Variants in ASB15 observed in about 807,000 individuals in gnomAD.
ASB15 encodes ankyrin repeat and SOCS box containing 15, also known as ankyrin repeat and SOCS box protein 15.
In ASB15, 54 loss-of-function variants were observed where a neutral mutation model predicts 58.0. The ratio of observed to expected loss-of-function variants is 0.93; its 90% CI spans 0.75 to 1.17. ASB15 has a LOEUF of 1.17. ASB15 is among the 50% of genes most tolerant of loss of function. ASB15 has a pLI of 0.00. For synonymous variants in ASB15, 249 were observed against 262.4 expected (o/e 0.95, Z 0.50); for missense variants, 680 against 707.4 (o/e 0.96, Z 0.44).
chr7:123,607,353 A>C (rs924778486), intron 2 of ASB15, among the ~76,000 whole-genome samples: 14 of 152,340 alleles, frequency 9.2e-5, no homozygotes, highest in African/African-American at 3.4e-4. Flanking sequence ...TTATGTGTAC[A>C]ATAATGTCTT....
At chr7:123,599,095 C>T (rs1799792205), upstream of ASB15, among the ~76,000 whole-genome samples, 1 of 151,788 alleles carries the variant, frequency 6.6e-6, no homozygotes, top group South Asian at 2.1e-4. Context: ...ATCACTGACC[C>T]CAAGGCCAAA....
At chr7:123,571,863 C>T (rs763857998) in intron 1 of ASB15, among the ~76,000 whole-genome samples, 18 of 152,184 alleles carry the variant, frequency 1.2e-4, no homozygotes, top group Admixed American at 3.3e-4. Context: ...CTCCTGGGCC[C>T]GAGTGATCCT....
chr7:123,600,732 G>A (rs1000706543), upstream of ASB15, among the ~76,000 whole-genome samples: 1 of 152,116 alleles, frequency 6.6e-6, no homozygotes, highest in Non-Finnish European at 1.5e-5. Flanking sequence ...TTTTATCACA[G>A]TTAAAGAGGA....
At chr7:123,570,029 C>CTTTTT (rs5887142) in intron 1 of ASB15, among the ~76,000 whole-genome samples, 5 of 88,196 alleles carry the variant, frequency 5.7e-5, no homozygotes, top group Middle Eastern at 7.6e-3. Flanking sequence ...ACTGCCATAG[C>CTTTTT]TTTTTTTTTT....
chr7:123,636,456 A>G (rs1802431755), intron 11 of ASB15, among the ~76,000 whole-genome samples: 1 of 152,180 alleles, frequency 6.6e-6, no homozygotes, highest in Non-Finnish European at 1.5e-5. Flanking sequence ...AAAGAAATAT[A>G]TAATATTTAG....
At chr7:123,571,740 T>A (rs957381765) in intron 1 of ASB15, among the ~76,000 whole-genome samples, 2 of 152,178 alleles carry the variant, frequency 1.3e-5, no homozygotes, top group Non-Finnish European at 2.9e-5. Flanking sequence ...TTAAACAAAA[T>A]TTTTAAGAAG....
chr7:123,620,515 T>C lies in ASB15; in HGVS notation c.451+2778T>C, dbSNP rs1584793516. 2.5e-3 allele frequency among the ~76,000 whole-genome samples: 19 copies of C among 7,628 alleles called. 1 individual carries two copies. The highest frequency in any genetic ancestry group is 4.0e-3 in the Non-Finnish European group (14 of 3,534). The allele number at this position is 7,628 out of a possible 152,430, so 5.0% of individuals were successfully genotyped here. A position where few individuals can be genotyped will look rare whatever the true frequency, so the allele number is the denominator to read the frequency against. Reference sequence around the variant, plus strand: ...TGTGACACATATACATACATATATATATATATATATATATATATATATATA... The same window carrying C: ...TGTGACACATATACATACATATATACATATATATATATATATATATATATA... On this transcript the variant is annotated intron_variant, in intron 7 of 11. Coordinates refer to ENST00000451215, the MANE Select transcript of ASB15 (RefSeq NM_001290258.2).
intron 7 of ASB15, among the ~76,000 whole-genome samples, chr7:123,619,563 G>A (rs1801093080): frequency 6.6e-6 from 1 of 151,952 alleles, no homozygotes. Flanking sequence ...TCGCTCTGTT[G>A]CCCAGGCTGG....
intron 1 of ASB15, among the ~76,000 whole-genome samples, chr7:123,586,116 A>G (rs954276644): frequency 3.3e-5 from 5 of 151,866 alleles, no homozygotes; most frequent in Non-Finnish European, 5.9e-5. Context: ...GCTAGATCAT[A>G]TAATAGATTT....
In ASB15 at chr7:123,614,536, C is replaced by A; in HGVS notation, c.34C>A (p.Leu12Ile). 6.2e-7 allele frequency: 1 copy of A among 1,609,786 alleles called. No homozygotes were observed. Among genetic ancestry groups the A allele is most frequent in the Non-Finnish European group, 8.5e-7 (1 of 1,176,414 alleles). ...TAATGATGACCCTGATGAAGACCAT[C>A]TTACAAGTTATGATATTCAGCTAAG... ...DTNDDPDEDH[L>I]TSYDIQLSIQ... is the part of the protein sequence containing the mutation. The change falls in exon 4 of 12, where the codon CTT (leucine) becomes ATT (isoleucine). Residue 12 changes from leucine to isoleucine, a missense_variant. Leu to Ile is a conservative substitution (Grantham distance 5). Transcript: ENST00000451215.
intron 11 of ASB15, 37 bp from the exon 12 acceptor site, chr7:123,636,771 TA>T: frequency 6.5e-7 from 1 of 1,545,850 alleles, no homozygotes; most frequent in Non-Finnish European, 8.9e-7. Flanking sequence ...ATCCACTATT[TA>T]AAAAATTTTT....
chr7:123,568,235 G>T (rs768206089), intron 1 of ASB15, among the ~76,000 whole-genome samples: 3 of 152,166 alleles, frequency 2.0e-5, no homozygotes, highest in South Asian at 2.1e-4. Flanking sequence ...AAAACTGGCT[G>T]GGCGCGGTGG....
chr7:123,636,766 C>T (rs774730327), intron 11 of ASB15, 43 bp from the exon 12 acceptor site: 1 of 1,524,634 alleles, frequency 6.6e-7, no homozygotes, highest in Non-Finnish European at 9.0e-7. Flanking sequence ...GGCCAATCCA[C>T]TATTTAAAAA....
chr7:123,599,980 G>C (rs557817674), upstream of ASB15, among the ~76,000 whole-genome samples: 1 of 152,200 alleles, frequency 6.6e-6, no homozygotes, highest in South Asian at 2.1e-4. Context: ...CTTTCATAGA[G>C]GCAAATGTGG....
At chr7:123,612,184 C>G (rs1440830136) in intron 3 of ASB15, 2 of 152,204 alleles carry the variant, frequency 1.3e-5, no homozygotes, top group South Asian at 2.1e-4. Flanking sequence ...AGTCACCAGG[C>G]AAGGCCACAG....
chr7:123,581,414 T>TAA (rs10642389), intron 1 of ASB15, among the ~76,000 whole-genome samples: 2,416 of 124,406 alleles, frequency 0.019, 77 homozygotes, highest in African/African-American at 0.061. Context: ...AGTGAGCACT[T>TAA]AAAAAAAAAA....
chr7:123,573,892 A>T (rs1798984505), intron 1 of ASB15, among the ~76,000 whole-genome samples: 1 of 152,192 alleles, frequency 6.6e-6, no homozygotes, highest in South Asian at 2.1e-4. Context: ...AATTAAAAAA[A>T]AACTACCATT....
At chr7:123,579,585 G>A (rs1799169833) in intron 1 of ASB15, among the ~76,000 whole-genome samples, 3 of 152,032 alleles carry the variant, frequency 2.0e-5, no homozygotes, top group Non-Finnish European at 4.4e-5. Context: ...GATAATTGCA[G>A]TCAAAATGAA....
At chr7:123,616,629 C>A in intron 6 of ASB15, 134 bp downstream of exon 6, 2 of 1,117,278 alleles carry the variant, frequency 1.8e-6, no homozygotes, top group South Asian at 1.6e-5. Context: ...TTGAAAAAGG[C>A]AGCACCCATG....
Sources: allele counts gnomAD v4.1 joint callset (sites outside exome capture counted in the v4.1 genomes callset), GRCh38; gene constraint gnomAD v4.1.1; transcripts MANE v1.5; gene names NCBI Gene and HGNC (gene_info 2026-07-23, HGNC 2026-07-21).